Variants in FAM178B observed in about 807,000 individuals in gnomAD.
FAM178B encodes family with sequence similarity 178 member B, also known as protein FAM178B.
FAM178B carries 82 observed loss-of-function variants against 91.7 expected under a neutral mutation model. The observed-to-expected ratio is 0.89, with a 90% CI of 0.75 to 1.07. The LOEUF is 1.07. FAM178B is among the 50% of genes least tolerant of loss of function. The pLI is 0.00. For missense variants in FAM178B, 769 were observed against 846.7 expected (o/e 0.91, Z 1.14); for synonymous variants, 368 against 359.4 (o/e 1.02, Z -0.27).
At chr2:96,944,908 A>C (rs2081797521) in intron 8 of FAM178B, among the ~76,000 whole-genome samples, 1 of 152,092 alleles carries the variant, frequency 6.6e-6, no homozygotes, top group African/African-American at 2.4e-5. Flanking sequence ...CAACTGTCTC[A>C]TCTTCTACAA....
At chr2:96,883,213 T>C (rs2080432427) in intron 14 of FAM178B, among the ~76,000 whole-genome samples, 1 of 152,000 alleles carries the variant, frequency 6.6e-6, no homozygotes, top group Non-Finnish European at 1.5e-5. Flanking sequence ...GACCCCAGGC[T>C]CCCCCAGCCA....
At chr2:96,958,722 A>T (rs1255918878) in intron 6 of FAM178B, among the ~76,000 whole-genome samples, 1 of 148,844 alleles carries the variant, frequency 6.7e-6, no homozygotes, top group Non-Finnish European at 1.5e-5. Flanking sequence ...AAAAAAAAAA[A>T]AAAAAAAAAA....
intron 10 of FAM178B, 95 bp from the exon 11 acceptor site, chr2:96,921,749 G>C (rs2081344254): frequency 2.3e-6 from 3 of 1,293,106 alleles, no homozygotes; most frequent in Non-Finnish European, 3.2e-6. Context: ...AGGCAGAAGG[G>C]ATGGTACTGT....
chr2:96,962,284 A>G (rs2082090987), intron 5 of FAM178B, among the ~76,000 whole-genome samples: 1 of 152,084 alleles, frequency 6.6e-6, no homozygotes, highest in Non-Finnish European at 1.5e-5. Flanking sequence ...CCTGGGTGAC[A>G]GAGCAAGACT....
chr2:96,923,031 C>T (rs1248540950), intron 10 of FAM178B, among the ~76,000 whole-genome samples: 1 of 152,068 alleles, frequency 6.6e-6, no homozygotes. Context: ...TGCAGTGGTG[C>T]CATCTCGGCT....
chr2:96,978,292 C>G (rs1410284352), intron 1 of FAM178B, among the ~76,000 whole-genome samples: 2 of 152,162 alleles, frequency 1.3e-5, no homozygotes, highest in Non-Finnish European at 1.5e-5. Context: ...AAATCACACA[C>G]ACATTTTTAA....
intron 1 of FAM178B, among the ~76,000 whole-genome samples, chr2:96,982,022 G>A (rs1009402517): frequency 2.0e-5 from 3 of 151,796 alleles, no homozygotes; most frequent in South Asian, 2.1e-4. Flanking sequence ...AGCTGTGATC[G>A]CACTACTGCA....
chr2:96,962,993 A>G lies in FAM178B; in HGVS notation c.735-2553T>C, dbSNP rs1026448838. ...AAAGCTGAACAGTCCCATCCAGATG[A>G]TCCCACATCAAAACCACCACCTCAA... On this transcript the variant is annotated intron_variant, in intron 5 of 16. Coordinates refer to ENST00000490605, the MANE Select transcript of FAM178B (RefSeq NM_001122646.3). 4.6e-5 allele frequency among the ~76,000 whole-genome samples: 7 copies of G among 152,200 alleles called. No individual in the cohort carries two copies. The East Asian group carries it at 1.2e-3, about 25-fold the overall frequency.
At chr2:96,976,389 G>C (rs2082289113) in intron 1 of FAM178B, among the ~76,000 whole-genome samples, 1 of 151,448 alleles carries the variant, frequency 6.6e-6, no homozygotes, top group Non-Finnish European at 1.5e-5. Context: ...CACCATGCCT[G>C]GCCAAAACAA....
intron 12 of FAM178B, among the ~76,000 whole-genome samples, chr2:96,917,326 C>T (rs954086195): frequency 6.6e-6 from 1 of 152,334 alleles, no homozygotes; most frequent in Non-Finnish European, 1.5e-5. Flanking sequence ...GCTCTTGGCA[C>T]AAAGCATCAC....
At chr2:96,980,692 C>T (rs1259232399) in intron 1 of FAM178B, among the ~76,000 whole-genome samples, 3 of 152,288 alleles carry the variant, frequency 2.0e-5, no homozygotes, top group East Asian at 1.9e-4. Flanking sequence ...CATGAGCAAC[C>T]GAGCCAGCCT....
At chr2:96,923,791 G>A (rs2081387228) in intron 9 of FAM178B, among the ~76,000 whole-genome samples, 1 of 152,238 alleles carries the variant, frequency 6.6e-6, no homozygotes, top group Non-Finnish European at 1.5e-5. Context: ...TCTCTCGGAT[G>A]TTGCCCTCAA....
In FAM178B at chr2:96,972,520, CAGGTGAGAGACGCCTACCTTCTCTCAG is replaced by C; in HGVS notation, c.133_142+17del. ...AAACCTCAGTGGGGATTTACCTGTG[CAGGTGAGAGACGCCTACCTTCTCTCAG>C]AGGAAGGGCTAGCACCGTCTCCTGG... On this transcript the variant is annotated splice_donor_variant and splice_donor_5th_base_variant and coding_sequence_variant and intron_variant, in exon 2 of 17. Transcript: ENST00000490605. LOFTEE classifies it high-confidence loss of function. The C allele has an allele frequency of 1.3e-6, 2 of 1,551,360 alleles. No individual in the cohort carries two copies. Among genetic ancestry groups the C allele is most frequent in the Non-Finnish European group, 1.7e-6 (2 of 1,146,656 alleles).
At chr2:96,878,589 A>G in intron 14 of FAM178B, 96 bp from the exon 15 acceptor site, 1 of 1,154,814 alleles carries the variant, frequency 8.7e-7, no homozygotes, top group Non-Finnish European at 1.3e-6. Context: ...CAGGCTTGGC[A>G]GGCCAGGCAG....
At chr2:96,981,359 C>A (rs2082357900) in intron 1 of FAM178B, among the ~76,000 whole-genome samples, 1 of 152,198 alleles carries the variant, frequency 6.6e-6, no homozygotes. Flanking sequence ...AACACTCAAT[C>A]ATCATGCTTA....
intron 1 of FAM178B, among the ~76,000 whole-genome samples, chr2:96,974,104 T>A (rs1039871808): frequency 2.1e-4 from 32 of 151,698 alleles, no homozygotes; most frequent in Non-Finnish European, 4.4e-4. Context: ...GAAAAGGGGC[T>A]GGGCGCAGTG....
At position 96,889,677 on chromosome 2, in the gene FAM178B, CAAATAAATAAAT is replaced by C. The variant is rs371885604; in HGVS notation, c.1776+4237_1776+4248del. Among the ~76,000 whole-genome samples, 466 of 126,592 alleles carry C rather than the reference CAAATAAATAAAT, an allele frequency of 3.7e-3. 2 individuals carry two copies. The highest frequency in any genetic ancestry group is 7.5e-3 in the Middle Eastern group (2 of 266). The allele number at this position is 126,592 out of a possible 152,430, so 83.0% of individuals were successfully genotyped here. ...TGGGTGACAGAGCAAGACTCTGTCT[CAAATAAATAAAT>C]AAATAAATAAATAAATAAATAAATA... On this transcript the variant is annotated intron_variant, in intron 14 of 16. Transcript: ENST00000490605.
intron 8 of FAM178B, among the ~76,000 whole-genome samples, chr2:96,941,907 G>C (rs1443240080): frequency 6.6e-6 from 1 of 152,182 alleles, no homozygotes; most frequent in Non-Finnish European, 1.5e-5. Flanking sequence ...AAACATTTTT[G>C]TTAAAGAAAC....
rs1325655878 is a variant in FAM178B, at chr2:96,921,658, G to T, written c.1288-4C>A. 1.9e-6 allele frequency: 3 copies of T among 1,551,142 alleles called. No homozygotes were observed. Among genetic ancestry groups the T allele is most frequent in the Non-Finnish European group, 2.6e-6 (3 of 1,146,958 alleles). ...CCTGGGCACACAGCGCCAGAAACTG[G>T]AGAGAGAAAAGAGGGCAGGGGTGGC... is the stretch of plus-strand genomic sequence containing the variant. On this transcript the variant is annotated splice_region_variant and splice_polypyrimidine_tract_variant and intron_variant, in intron 10 of 16. Coordinates refer to ENST00000490605, the MANE Select transcript of FAM178B (RefSeq NM_001122646.3).
Sources: gnomAD v4.1 joint callset for allele counts (sites outside exome capture counted in the v4.1 genomes callset) on GRCh38, gnomAD v4.1.1 for gene constraint, MANE v1.5 for transcripts, NCBI Gene and HGNC (gene_info 2026-07-23, HGNC 2026-07-21) for gene names.